ATR: variants seen among roughly 807,000 people sequenced by gnomAD.
ATR encodes the protein ATR checkpoint kinase.
Under a neutral mutation model 305.3 loss-of-function variants are expected in ATR, and 142 were observed. The observed-to-expected ratio is 0.47, with a 90% confidence interval of 0.41 to 0.53. The LOEUF (loss-of-function observed/expected upper bound fraction) is 0.53. ATR is among the 20% of genes least tolerant of loss of function. ATR has a pLI of 0.00. For missense variants in ATR, 2,135 were observed against 3,133.1 expected (o/e 0.68, Z 7.60); for synonymous variants, 1,050 against 1,068.1 (o/e 0.98, Z 0.33).
chr3:142,450,396 GC>G (rs2070763037), intron 46 of ATR: 1 of 1,554,894 alleles, frequency 6.4e-7, no homozygotes, highest in African/African-American at 1.4e-5. Flanking sequence ...TCAAAATGGG[GC>G]TGCTGTCTTC....
chr3:142,535,008 A>G (rs1449009143), intron 21 of ATR, 72 bp downstream of exon 21: 1 of 1,485,074 alleles, frequency 6.7e-7, no homozygotes, highest in African/African-American at 1.4e-5. Context: ...CAAAAATGTC[A>G]TTTTGTCATC....
chr3:142,473,892 A>G (rs1030911145), intron 36 of ATR, among the ~76,000 whole-genome samples: 1 of 149,476 alleles, frequency 6.7e-6, no homozygotes, highest in Non-Finnish European at 1.5e-5. Flanking sequence ...TTCTAGGTCC[A>G]TACAAATTTT....
Position 142,578,731 on chromosome 3 carries a change from C to T in ATR, c.-27G>A, listed in dbSNP as rs1344116024. The T allele has an allele frequency of 3.7e-6, 6 of 1,609,048 alleles. No individual in the cohort carries two copies. The South Asian group carries it at 6.7e-5, about 18-fold the overall frequency. On this transcript the variant is annotated 5_prime_UTR_variant, in exon 1 of 47. Coordinates refer to ENST00000350721, the MANE Select transcript of ATR (RefSeq NM_001184.4). ...CTGAGGCTGCGAGGCACTAGTCAAC[C>T]ACGCCAACGCGGGTTCCCGGCGTCT...
At chr3:142,473,542 T>A (rs1316689958) in intron 36 of ATR, among the ~76,000 whole-genome samples, 1 of 151,996 alleles carries the variant, frequency 6.6e-6, no homozygotes, top group Non-Finnish European at 1.5e-5. Context: ...GCCTTCAGCT[T>A]TATTCTTTTT....
intron 36 of ATR, among the ~76,000 whole-genome samples, chr3:142,483,642 G>C (rs1025989377): frequency 3.3e-5 from 5 of 151,944 alleles, no homozygotes; most frequent in African/African-American, 1.2e-4. Flanking sequence ...TTCGAGACCA[G>C]CCTGACCAAC....
At chr3:142,525,515 C>T (rs2033342435) in intron 21 of ATR, among the ~76,000 whole-genome samples, 1 of 152,064 alleles carries the variant, frequency 6.6e-6, no homozygotes, top group South Asian at 2.1e-4. Context: ...TAACATCAAC[C>T]TACCCAATAA....
intron 16 of ATR, among the ~76,000 whole-genome samples, chr3:142,547,461 ATGT>A (rs1208160227): frequency 6.6e-6 from 1 of 152,358 alleles, no homozygotes; most frequent in South Asian, 2.1e-4. Flanking sequence ...ATGCTAATAT[ATGT>A]TGTTAATGCC....
chr3:142,530,764 T>C (rs1442875715), intron 21 of ATR, among the ~76,000 whole-genome samples: 2 of 152,144 alleles, frequency 1.3e-5, no homozygotes, highest in African/African-American at 2.4e-5. Context: ...AGAGTGCCTC[T>C]CCTCTCCTCT....
At chr3:142,480,851 T>C (rs2030392203) in intron 36 of ATR, among the ~76,000 whole-genome samples, 1 of 152,154 alleles carries the variant, frequency 6.6e-6, no homozygotes, top group Non-Finnish European at 1.5e-5. Context: ...ATGCTAGCAA[T>C]GAGAGAGGCT....
intron 1 of ATR, 140 bp downstream of exon 1, chr3:142,578,506 G>C: frequency 1.0e-6 from 1 of 1,002,774 alleles, no homozygotes; most frequent in Admixed American, 2.8e-5. Flanking sequence ...GCCCAAATCA[G>C]CCACGGAGCA....
chr3:142,461,174 A>G (rs1221991362), intron 42 of ATR, among the ~76,000 whole-genome samples: 1 of 152,118 alleles, frequency 6.6e-6, no homozygotes, highest in Non-Finnish European at 1.5e-5. Flanking sequence ...ATAATTGTTA[A>G]GTATCTGATA....
rs2034866637 is a variant in ATR, at chr3:142,561,233, GTCA to G, written c.1349+7_1349+9del. ...ATGGCTAAATACAAACTGAATGAAG[GTCA>G]TCATACTCCTCAGTCTGTTTTGGTG... On this transcript the variant is annotated splice_region_variant and intron_variant, in intron 5 of 46. Transcript: ENST00000350721. 6.2e-7 allele frequency: 1 copy of G among 1,611,748 alleles called. No homozygotes were observed. The highest frequency in any genetic ancestry group is 1.3e-5 in the African/African-American group (1 of 74,838).
At chr3:142,560,579 G>C (rs551658062) in intron 5 of ATR, 125 bp from the exon 6 acceptor site, 2 of 758,626 alleles carry the variant, frequency 2.6e-6, no homozygotes, top group South Asian at 3.7e-5. Context: ...TTTTTTTTGT[G>C]AGACAGAGTC....
chr3:142,498,444 A>C (rs557630685), intron 32 of ATR, among the ~76,000 whole-genome samples, 153 bp downstream of exon 32: 1 of 152,210 alleles, frequency 6.6e-6, no homozygotes, highest in African/African-American at 2.4e-5. Context: ...TTTTAACTGT[A>C]GGGTGATTGT....
At chr3:142,486,565 C>T (rs80033927) in intron 35 of ATR, among the ~76,000 whole-genome samples, 4 of 152,172 alleles carry the variant, frequency 2.6e-5, no homozygotes, top group African/African-American at 9.6e-5. Flanking sequence ...ACTAATATTA[C>T]ATTTACAGCT....
intron 46 of ATR, chr3:142,452,153 A>T (rs1298341815): frequency 2.0e-6 from 2 of 1,015,974 alleles, no homozygotes; most frequent in Non-Finnish European, 1.2e-6. Context: ...GTTAAGGATG[A>T]CATGAAGGAT....
At chr3:142,518,149 T>A (rs1268049800) in intron 24 of ATR, among the ~76,000 whole-genome samples, 1 of 152,112 alleles carries the variant, frequency 6.6e-6, no homozygotes, top group Non-Finnish European at 1.5e-5. Flanking sequence ...AAATACAGAC[T>A]AAGAAAATGG....
At chr3:142,571,020 T>C (rs1006356081) in intron 1 of ATR, among the ~76,000 whole-genome samples, 1 of 152,106 alleles carries the variant, frequency 6.6e-6, no homozygotes, top group African/African-American at 2.4e-5. Flanking sequence ...AAAAAGACAA[T>C]CCTTGGACAG....
chr3:142,552,531 A>T (rs1298176394), intron 13 of ATR, among the ~76,000 whole-genome samples: 1 of 151,928 alleles, frequency 6.6e-6, no homozygotes, highest in African/African-American at 2.4e-5. Flanking sequence ...TTAGCCAGGC[A>T]TGGTGGCAGG....
Sources: allele counts gnomAD v4.1 joint callset (sites outside exome capture counted in the v4.1 genomes callset), GRCh38; gene constraint gnomAD v4.1.1; transcripts MANE v1.5; gene names NCBI Gene and HGNC (gene_info 2026-07-23, HGNC 2026-07-21).